The following CDC14A variants were observed in gnomAD, a reference collection of about 807,000 sequenced individuals.
CDC14A encodes cell division cycle 14A, also known as dual specificity protein phosphatase CDC14A.
CDC14A carries 53 observed loss-of-function variants against 74.4 expected under a neutral mutation model. That is an observed-to-expected ratio of 0.71 (90% CI 0.57 to 0.89). CDC14A has a LOEUF of 0.89. CDC14A is among the 40% of genes least tolerant of loss of function. CDC14A has a pLI of 0.00. For missense variants in CDC14A, 646 were observed against 713.7 expected (o/e 0.91, Z 1.08); for synonymous variants, 247 against 258.4 (o/e 0.96, Z 0.43).
At chr1:100,434,780 A>G (rs555231044) in intron 5 of CDC14A, among the ~76,000 whole-genome samples, 1 of 152,140 alleles carries the variant, frequency 6.6e-6, no homozygotes, top group East Asian at 1.9e-4. Context: ...CTTCTTACAT[A>G]GTGAGTTTGA....
intron 4 of CDC14A, chr1:100,393,106 A>G (rs1230596458): frequency 6.9e-7 from 1 of 1,449,780 alleles, no homozygotes; most frequent in Non-Finnish European, 9.7e-7. Context: ...TTCATTTTCT[A>G]GTTGAAAAAT....
intron 4 of CDC14A, among the ~76,000 whole-genome samples, chr1:100,410,921 G>A (rs1168427057): frequency 6.6e-6 from 1 of 152,146 alleles, no homozygotes; most frequent in Non-Finnish European, 1.5e-5. Flanking sequence ...AGAACTTCAG[G>A]ATGAGATTGG....
intron 11 of CDC14A, chr1:100,485,038 G>A (rs1669887668): frequency 1.0e-6 from 1 of 985,230 alleles, no homozygotes; most frequent in African/African-American, 1.7e-5. Flanking sequence ...GTCAAACATG[G>A]TTCAATCCAT....
At chr1:100,436,299 C>T (rs1209133767) in intron 5 of CDC14A, among the ~76,000 whole-genome samples, 1 of 152,120 alleles carries the variant, frequency 6.6e-6, no homozygotes, top group Non-Finnish European at 1.5e-5. Context: ...GGGAATGTTG[C>T]CTCTTAAATG....
intron 15 of CDC14A, chr1:100,499,510 A>G: frequency 7.9e-7 from 1 of 1,264,292 alleles, no homozygotes; most frequent in Admixed American, 3.1e-5. Flanking sequence ...ACTCCTTTTT[A>G]AGTAGTTTCT....
At chr1:100,436,537 G>A (rs1664363760) in intron 5 of CDC14A, among the ~76,000 whole-genome samples, 1 of 151,880 alleles carries the variant, frequency 6.6e-6, no homozygotes, top group African/African-American at 2.4e-5. Context: ...CTATTCTCCT[G>A]CCTCAGCCTC....
chr1:100,393,952 C>A, intron 4 of CDC14A: 1 of 207,816 alleles, frequency 4.8e-6, no homozygotes, highest in South Asian at 6.9e-5. Context: ...CCCTCCCCAC[C>A]GCAAAAAAAA....
chr1:100,471,230 T>C (rs1248919274), intron 10 of CDC14A, among the ~76,000 whole-genome samples: 1 of 152,032 alleles, frequency 6.6e-6, no homozygotes, highest in Non-Finnish European at 1.5e-5. Context: ...TCTGTGGTGA[T>C]AGAAATCAGA....
Position 100,468,095 on chromosome 1 carries a change from G to GT in CDC14A, c.977+2dup. On this transcript the variant is annotated splice_donor_variant, in intron 10 of 15. Coordinates refer to ENST00000336454, the MANE Select transcript of CDC14A (RefSeq NM_003672.4). LOFTEE classifies it high-confidence loss of function. ...GACCCCAGCAGCACTTCCTGGAAGA[G>GT]TAAGTATATTGTCCCCATTACCACA... The GT allele has an allele frequency of 1.9e-6, 3 of 1,613,724 alleles. No homozygotes were observed. The highest frequency in any genetic ancestry group is 2.5e-6 in the Non-Finnish European group (3 of 1,179,868).
At chr1:100,449,521 GC>G (rs1207963636) in intron 7 of CDC14A, among the ~76,000 whole-genome samples, 1 of 152,128 alleles carries the variant, frequency 6.6e-6, no homozygotes, top group African/African-American at 2.4e-5. Flanking sequence ...CGGCTTCTGA[GC>G]TTTTGCACAT....
At chr1:100,439,860 T>C (rs565373184) in intron 5 of CDC14A, 72 bp from the exon 6 acceptor site, 1 of 1,078,626 alleles carries the variant, frequency 9.3e-7, no homozygotes, top group East Asian at 2.4e-5. Flanking sequence ...TCCAGCTGAC[T>C]TTGGTGTTAT....
intron 10 of CDC14A, among the ~76,000 whole-genome samples, chr1:100,479,964 T>G (rs72986237): frequency 1.3e-5 from 2 of 152,094 alleles, no homozygotes; most frequent in Non-Finnish European, 2.9e-5. Flanking sequence ...AAGACTGACT[T>G]TTTAAATTAA....
At chr1:100,485,635 A>G (rs1320215745) in intron 11 of CDC14A, among the ~76,000 whole-genome samples, 2 of 151,806 alleles carry the variant, frequency 1.3e-5, no homozygotes, top group Non-Finnish European at 2.9e-5. Flanking sequence ...TCTATTAGAC[A>G]GTGACCCATT....
chr1:100,465,640 C>G (rs1667728684), intron 9 of CDC14A, among the ~76,000 whole-genome samples: 1 of 152,154 alleles, frequency 6.6e-6, no homozygotes, highest in Non-Finnish European at 1.5e-5. Context: ...ATATGTCATG[C>G]CTCAACGTAA....
intron 3 of CDC14A, among the ~76,000 whole-genome samples, chr1:100,389,714 A>G (rs1657416713): frequency 6.6e-6 from 1 of 152,116 alleles, no homozygotes; most frequent in Admixed American, 6.5e-5. Context: ...TTCTAAAAGC[A>G]GGGATTTTCT....
At chr1:100,371,431 G>A (rs1654458487) in intron 2 of CDC14A, among the ~76,000 whole-genome samples, 1 of 152,224 alleles carries the variant, frequency 6.6e-6, no homozygotes, top group Non-Finnish European at 1.5e-5. Flanking sequence ...TTGGTTGTGG[G>A]TTTGTCATAG....
chr1:100,454,094 G>T (rs1666424236), intron 7 of CDC14A, among the ~76,000 whole-genome samples: 1 of 152,068 alleles, frequency 6.6e-6, no homozygotes, highest in South Asian at 2.1e-4. Flanking sequence ...GATTTTCATG[G>T]AAATGATAAT....
rs145186681 is a variant in CDC14A at position 100,433,821 on chromosome 1, A to C, written c.390-6111A>C. On this transcript the variant is annotated intron_variant, in intron 5 of 15. Transcript: ENST00000336454. ...AGTGGTATGTTGGTAAACTGGCTCT[A>C]TAAGTAAAAAGTATTTGCTGATTTC... 3.9e-3 allele frequency among the ~76,000 whole-genome samples: 587 copies of C among 152,308 alleles called. 19 individuals are homozygous for C. Among genetic ancestry groups the C allele is most frequent in the Non-Finnish European group, 6.8e-4 (46 of 68,020 alleles).
intron 10 of CDC14A, 94 bp from the exon 11 acceptor site, chr1:100,484,198 T>C (rs1380189029): frequency 1.6e-6 from 1 of 616,308 alleles, no homozygotes; most frequent in East Asian, 3.2e-5. Flanking sequence ...GCTAAATCTT[T>C]TCCTTTATAA....
Sources: gnomAD v4.1 joint callset for allele counts (sites outside exome capture counted in the v4.1 genomes callset) on GRCh38, gnomAD v4.1.1 for gene constraint, MANE v1.5 for transcripts, NCBI Gene and HGNC (gene_info 2026-07-23, HGNC 2026-07-21) for gene names.